AFM: variants seen among roughly 807,000 people sequenced by gnomAD.
AFM encodes the protein alpha-Alb.
In AFM, 82 loss-of-function variants were observed where a neutral mutation model predicts 68.7. The observed-to-expected ratio is 1.19, with a 90% CI of 1.00 to 1.43. The LOEUF is 1.43. AFM is among the 40% of genes most tolerant of loss of function. AFM has a pLI of 0.00. For synonymous variants in AFM, 250 were observed against 234.2 expected, an observed-to-expected ratio of 1.07 and a Z score of -0.61; for missense variants, 772 against 701.8, an observed-to-expected ratio of 1.10 and a Z score of -1.13.
rs1330461247 is a variant in AFM, at chr4:73,484,355, G to C, written c.235G>C (p.Ala79Pro). ...GGTAGAATACAAAGACAGATGTATG[G>C]CTGACAAGACGCTCCCAGAGTGTTC... ...DMVEYKDRCMADKTLPECSKL... is the reference protein window; with the variant it reads ...DMVEYKDRCMPDKTLPECSKL... Residue 79 changes from alanine to proline, a missense_variant, in exon 3 of 15, where the codon GCT becomes CCT. Physicochemically the swap from Ala to Pro is conservative, Grantham distance 27 (BLOSUM62 -1). Coordinates refer to ENST00000226355, the MANE Select transcript of AFM (RefSeq NM_001133.2). The C allele has an allele frequency of 1.2e-6, 2 of 1,611,876 alleles. No individual in the cohort carries two copies. Among genetic ancestry groups the C allele is most frequent in the Admixed American group, 3.4e-5 (2 of 59,636 alleles).
chr4:73,486,546 AG>A (rs987815710), intron 4 of AFM, among the ~76,000 whole-genome samples: 1 of 152,240 alleles, frequency 6.6e-6, no homozygotes, highest in African/African-American at 2.4e-5. Context: ...TCTGAAAAAA[AG>A]TAAACAGGAC....
chr4:73,501,665 T>G, intron 12 of AFM, 122 bp from the exon 13 acceptor site: 1 of 1,085,592 alleles, frequency 9.2e-7, no homozygotes, highest in Non-Finnish European at 1.3e-6. Flanking sequence ...AGTGGTATAT[T>G]TCAACTCTTT....
intron 8 of AFM, 53 bp from the exon 9 acceptor site, chr4:73,495,246 TG>T: frequency 6.7e-7 from 1 of 1,499,400 alleles, no homozygotes; most frequent in Non-Finnish European, 8.9e-7. Context: ...ATAGTGGAAT[TG>T]GGTTTTTTGC....
chr4:73,501,649 A>T, intron 12 of AFM, 138 bp from the exon 13 acceptor site: 1 of 851,702 alleles, frequency 1.2e-6, no homozygotes, highest in Non-Finnish European at 1.7e-6. Context: ...CAGAAGACCC[A>T]TTCAAAGTGG....
chr4:73,491,428 A>G (rs1389544761), intron 7 of AFM, among the ~76,000 whole-genome samples: 1 of 152,218 alleles, frequency 6.6e-6, no homozygotes, highest in African/African-American at 2.4e-5. Flanking sequence ...TCATTCATTT[A>G]TCAAATATTT....
At chr4:73,503,216 T>C in intron 14 of AFM, 106 bp downstream of exon 14, 1 of 881,096 alleles carries the variant, frequency 1.1e-6, no homozygotes, top group Non-Finnish European at 1.8e-6. Context: ...TCATCCTACA[T>C]GAACAAGAAA....
At chr4:73,487,164 G>T in intron 5 of AFM, 65 bp downstream of exon 5, 1 of 1,547,570 alleles carries the variant, frequency 6.5e-7, no homozygotes, top group South Asian at 1.2e-5. Context: ...TCCAGACCCT[G>T]ACTTATATTA....
chr4:73,494,389 T>C (rs1195455997), intron 8 of AFM, among the ~76,000 whole-genome samples: 1 of 151,450 alleles, frequency 6.6e-6, no homozygotes, highest in Non-Finnish European at 1.5e-5. Flanking sequence ...AATGAATAGA[T>C]GAGTTTTCTT....
intron 3 of AFM, 56 bp downstream of exon 3, chr4:73,484,446 C>CTTTA (rs1430903960): frequency 5.5e-6 from 1 of 180,738 alleles, no homozygotes; most frequent in African/African-American, 5.5e-5. Flanking sequence ...CTTTCTCTTT[C>CTTTA]TTTCTTTCTT....
chr4:73,502,040 C>A, intron 13 of AFM, 121 bp downstream of exon 13: 3 of 1,053,926 alleles, frequency 2.8e-6, no homozygotes, highest in Non-Finnish European at 4.0e-6. Flanking sequence ...TTTGAGAGCA[C>A]AATTGCTACA....
At chr4:73,482,944 A>G (rs1339961520) in intron 1 of AFM, among the ~76,000 whole-genome samples, 1 of 152,146 alleles carries the variant, frequency 6.6e-6, no homozygotes, top group Non-Finnish European at 1.5e-5. Flanking sequence ...TGTCTTCCAA[A>G]TGAAGCCCAT....
intron 4 of AFM, among the ~76,000 whole-genome samples, chr4:73,486,528 C>A (rs1427312779): frequency 6.6e-6 from 1 of 152,086 alleles, no homozygotes; most frequent in Non-Finnish European, 1.5e-5. Flanking sequence ...ATCTAAATCA[C>A]AAATTTATCT....
intron 1 of AFM, among the ~76,000 whole-genome samples, chr4:73,483,205 A>AATCCT (rs1245085648): frequency 6.6e-6 from 1 of 151,930 alleles, no homozygotes; most frequent in African/African-American, 2.4e-5. Context: ...CTCCTCCTAT[A>AATCCT]ATCCTTTTTT....
intron 3 of AFM, 148 bp from the exon 4 acceptor site, chr4:73,485,714 G>T (rs1720881411): frequency 1.7e-6 from 1 of 596,458 alleles, no homozygotes; most frequent in African/African-American, 2.0e-5. Flanking sequence ...AAGGAGAAGG[G>T]GAAGGGGAAG....
intron 3 of AFM, 53 bp downstream of exon 3, chr4:73,484,443 TTTC>T: frequency 1.4e-5 from 1 of 70,590 alleles, no homozygotes; most frequent in Non-Finnish European, 2.6e-5. Flanking sequence ...TTTCTTTCTC[TTTC>T]TTTCTTTCTT....
chr4:73,486,126 G>C, intron 4 of AFM, 53 bp downstream of exon 4: 1 of 1,400,438 alleles, frequency 7.1e-7, no homozygotes, highest in Non-Finnish European at 1.0e-6. Flanking sequence ...GTCTTAGGCT[G>C]AATCTAATAT....
chr4:73,487,901 T>C, intron 6 of AFM, 80 bp downstream of exon 6: 1 of 972,486 alleles, frequency 1.0e-6, no homozygotes, highest in East Asian at 2.5e-5. Context: ...TTGATAACTT[T>C]TTATTTATAT....
intron 11 of AFM, 148 bp downstream of exon 11, chr4:73,499,394 C>A: frequency 2.3e-6 from 2 of 860,708 alleles, no homozygotes; most frequent in Admixed American, 3.9e-5. Context: ...TTCCTTTTGG[C>A]TCACTTTGTG....
intron 10 of AFM, among the ~76,000 whole-genome samples, chr4:73,498,220 G>A (rs1721310401): frequency 1.3e-5 from 2 of 151,816 alleles, no homozygotes; most frequent in African/African-American, 4.8e-5. Context: ...TGAATAATAT[G>A]CAGTTTGGGT....
Sources: allele counts gnomAD v4.1 joint callset (sites outside exome capture counted in the v4.1 genomes callset), GRCh38; gene constraint gnomAD v4.1.1; transcripts MANE v1.5; gene names NCBI Gene and HGNC (gene_info 2026-07-23, HGNC 2026-07-21).